The following MICAL3 variants were observed in gnomAD, a reference collection of about 807,000 sequenced individuals.
MICAL3 encodes the protein [F-actin]-monooxygenase MICAL3.
A neutral mutation model predicts 207.4 loss-of-function variants in MICAL3; 62 were observed. The observed-to-expected ratio is 0.30, with a 90% CI of 0.24 to 0.37. The LOEUF is 0.37. Among genes scored for constraint, MICAL3 ranks in the 10% least tolerant of loss-of-function variants. The pLI is 1.00. For missense variants in MICAL3, 2,368 were observed against 2,635.6 expected, an observed-to-expected ratio of 0.90 and a Z score of 2.22; for synonymous variants, 1,077 against 1,069.3, an observed-to-expected ratio of 1.01 and a Z score of -0.14.
intron 1 of MICAL3, among the ~76,000 whole-genome samples, chr22:18,003,052 C>A (rs888123951): frequency 1.3e-5 from 2 of 150,918 alleles, no homozygotes; most frequent in Non-Finnish European, 3.0e-5. Flanking sequence ...CCCAGCTACT[C>A]AGGAGGCTGA....
At chr22:17,928,072 T>C (rs1380858388) in intron 1 of MICAL3, among the ~76,000 whole-genome samples, 3 of 152,224 alleles carry the variant, frequency 2.0e-5, no homozygotes, top group Non-Finnish European at 2.9e-5. Context: ...CTTTACTATA[T>C]GCAGCATAGC....
At chr22:17,973,071 G>C (rs901427731) in intron 1 of MICAL3, among the ~76,000 whole-genome samples, 6 of 152,260 alleles carry the variant, frequency 3.9e-5, no homozygotes, top group Non-Finnish European at 7.3e-5. Context: ...AGCATCCTGT[G>C]ACTCCGAGCC....
chr22:17,998,134 T>C (rs1358339611), intron 1 of MICAL3, among the ~76,000 whole-genome samples: 1 of 152,070 alleles, frequency 6.6e-6, no homozygotes, highest in Non-Finnish European at 1.5e-5. Context: ...AAACCCTGTC[T>C]CTACTAAAAA....
Position 17,918,108 on chromosome 22 carries a change from A to G in MICAL3, c.-74-11222T>C, listed in dbSNP as rs542218942. On this transcript the variant is annotated intron_variant, in intron 1 of 31. Transcript: ENST00000441493. ...CATGACTTCCCATCTCAGCCAGCAT[A>G]AAAGCAAATATAAAATAATGGCCTA... 3.2e-4 allele frequency among the ~76,000 whole-genome samples: 48 copies of G among 152,342 alleles called. No individual in the cohort carries two copies. In the South Asian group the frequency reaches 4.8e-3, roughly 15 times the overall value.
chr22:17,864,717 A>T (rs1242939249), intron 19 of MICAL3, 182 bp downstream of exon 19: 7 of 1,613,278 alleles, frequency 4.3e-6, no homozygotes, highest in Non-Finnish European at 5.9e-6. Flanking sequence ...CCGACAGGCC[A>T]TAGAGAAAGG....
chr22:17,915,554 G>A (rs1932443195), intron 1 of MICAL3, among the ~76,000 whole-genome samples: 1 of 152,186 alleles, frequency 6.6e-6, no homozygotes. Context: ...TTCCGACGCT[G>A]GCCCAAAACA....
At chr22:17,998,666 T>G (rs1922593037) in intron 1 of MICAL3, among the ~76,000 whole-genome samples, 1 of 151,942 alleles carries the variant, frequency 6.6e-6, no homozygotes, top group Middle Eastern at 3.4e-3. Flanking sequence ...GGTTAAGCAA[T>G]TCTCCTGCCT....
At chr22:17,838,730 G>A (rs998789068) in intron 20 of MICAL3, among the ~76,000 whole-genome samples, 2 of 152,192 alleles carry the variant, frequency 1.3e-5, no homozygotes, top group African/African-American at 4.8e-5. Flanking sequence ...CACTGAACTT[G>A]TGAAATGAGA....
At chr22:17,993,366 G>T (rs1317232300) in intron 1 of MICAL3, among the ~76,000 whole-genome samples, 2 of 152,024 alleles carry the variant, frequency 1.3e-5, no homozygotes, top group African/African-American at 4.8e-5. Flanking sequence ...CTGTCATCTA[G>T]GTTTGAAGCC....
intron 1 of MICAL3, among the ~76,000 whole-genome samples, chr22:17,981,188 C>T (rs1935893869): frequency 6.6e-6 from 1 of 151,900 alleles, no homozygotes; most frequent in South Asian, 2.1e-4. Context: ...ATAAAATACA[C>T]AATTATACAC....
At chr22:17,907,304 G>GT (rs1418825263) in intron 1 of MICAL3, among the ~76,000 whole-genome samples, 1 of 152,210 alleles carries the variant, frequency 6.6e-6, no homozygotes, top group Non-Finnish European at 1.5e-5. Context: ...GGGAAGAGGT[G>GT]TAGGACATGG....
chr22:17,860,825 C>T (rs1926443771), intron 19 of MICAL3: 2 of 985,384 alleles, frequency 2.0e-6, no homozygotes, highest in Admixed American at 1.2e-4. Flanking sequence ...CTGTGCATCC[C>T]CAAAGCCCTG....
intron 20 of MICAL3, among the ~76,000 whole-genome samples, 178 bp from the exon 21 acceptor site, chr22:17,832,285 G>A (rs773840126): frequency 6.6e-6 from 1 of 152,222 alleles, no homozygotes; most frequent in Non-Finnish European, 1.5e-5. Flanking sequence ...GGCATGAGAA[G>A]CCACCTACCC....
At chr22:17,886,140 C>CATG (rs1929849713) in intron 15 of MICAL3, 89 bp from the exon 16 acceptor site, 1 of 1,414,642 alleles carries the variant, frequency 7.1e-7, no homozygotes, top group African/African-American at 1.4e-5. Context: ...CAGGACCTGG[C>CATG]ATGGGGGCTG....
At chr22:17,988,253 C>T (rs1259072393) in intron 1 of MICAL3, among the ~76,000 whole-genome samples, 10 of 152,222 alleles carry the variant, frequency 6.6e-5, no homozygotes, top group Admixed American at 2.0e-4. Flanking sequence ...CTCTCCTTAT[C>T]CTTTCTATCT....
intron 29 of MICAL3, among the ~76,000 whole-genome samples, chr22:17,794,888 G>A (rs1326673409): frequency 6.6e-6 from 1 of 152,190 alleles, no homozygotes; most frequent in East Asian, 1.9e-4. Flanking sequence ...AGGGACAACA[G>A]AGCCCAGGAA....
chr22:17,849,814 C>G (rs1602050432), intron 19 of MICAL3, among the ~76,000 whole-genome samples: 1 of 150,674 alleles, frequency 6.6e-6, no homozygotes, highest in African/African-American at 2.5e-5. Context: ...CCTTCCTCAG[C>G]CACCCAAGTA....
At chr22:18,018,761 TATCTATCTACACACAC>T (rs200362883) in intron 1 of MICAL3, among the ~76,000 whole-genome samples, 4 of 151,106 alleles carry the variant, frequency 2.6e-5, no homozygotes, top group South Asian at 4.2e-4. Flanking sequence ...TCTATCTATC[TATCTATCTACACACAC>T]ACACACATAC....
intron 1 of MICAL3, among the ~76,000 whole-genome samples, chr22:17,934,849 C>T (rs1447883148): frequency 6.6e-6 from 1 of 151,974 alleles, no homozygotes; most frequent in African/African-American, 2.4e-5. Flanking sequence ...GAGTGAATTC[C>T]CATTCACAAT....
Sources: allele counts gnomAD v4.1 joint callset (sites outside exome capture counted in the v4.1 genomes callset), GRCh38; gene constraint gnomAD v4.1.1; transcripts MANE v1.5; gene names NCBI Gene and HGNC (gene_info 2026-07-23, HGNC 2026-07-21).